The following TAF10 variants were observed in gnomAD, a reference collection of about 807,000 sequenced individuals.
TAF10 encodes transcription initiation factor TFIID subunit 10.
In TAF10, 2 loss-of-function variants were observed where a neutral mutation model predicts 18.1. That is an observed-to-expected ratio of 0.11 (90% confidence interval 0.05 to 0.35). TAF10 has a LOEUF of 0.35. Among genes scored for constraint, TAF10 ranks in the 10% least tolerant of loss-of-function variants. TAF10 has a pLI of 1.00. For synonymous variants in TAF10, 158 were observed against 134.6 expected (o/e 1.17, Z -1.20); for missense variants, 293 against 306.9 (o/e 0.95, Z 0.34).
intron 2 of TAF10, 95 bp downstream of exon 2, chr11:6,611,569 G>T: frequency 1.3e-6 from 2 of 1,588,724 alleles, no homozygotes; most frequent in Non-Finnish European, 1.7e-6. Context: ...ACAGAAGAGC[G>T]ACTAGGGGAG....
At chr11:6,611,628 A>G in intron 2 of TAF10, 36 bp downstream of exon 2, 1 of 1,575,900 alleles carries the variant, frequency 6.3e-7, no homozygotes, top group Non-Finnish European at 8.6e-7. Flanking sequence ...AAGTTTTGAC[A>G]GCAGGCTAGG....
Position 6,608,533 on chromosome 11 carries a change from G to A in TAF10, c.*2389C>T. 1 of 1,535,886 alleles carries A rather than the reference G, an allele frequency of 6.5e-7. No homozygotes were observed. The highest frequency in any genetic ancestry group is 1.7e-4 in the Middle Eastern group (1 of 5,824). On this transcript the variant is annotated 3_prime_UTR_variant, in exon 5 of 5. Coordinates refer to ENST00000299424, the MANE Select transcript of TAF10 (RefSeq NM_006284.4). This position sits in a 1 kb window ranked among gnomAD's most constrained non-coding sequence, Gnocchi z 4.9. ...ATTCCTGAGATGGGTAGGAAGTAAA[G>A]TCTGAGCCTTGGTGGGAGATTTTGG...
In TAF10 at chr11:6,609,614, C is replaced by G; in HGVS notation, c.*1308G>C. ...CACACTGGATGCCGTATGGATCCCT[C>G]TACAATGTACTACATGAAGGCACCA... On this transcript the variant is annotated 3_prime_UTR_variant, in exon 5 of 5. Transcript: ENST00000299424. 2 of 1,614,162 alleles carry G rather than the reference C, an allele frequency of 1.2e-6. No individual in the cohort carries two copies. Among genetic ancestry groups the G allele is most frequent in the African/African-American group, 1.3e-5 (1 of 75,036 alleles).
At position 6,610,122 on chromosome 11, in the gene TAF10, A is replaced by T; in HGVS notation, c.*800T>A. ...CAGAGACAGGACAGGCAAGGGGGCC[A>T]GAACAGACAAGCCCTATCTCTCCAG... On this transcript the variant is annotated 3_prime_UTR_variant, in exon 5 of 5. Coordinates refer to ENST00000299424, the MANE Select transcript of TAF10 (RefSeq NM_006284.4). The T allele has an allele frequency of 6.2e-7, 1 of 1,614,232 alleles. No individual in the cohort carries two copies. Among genetic ancestry groups the T allele is most frequent in the South Asian group, 1.1e-5 (1 of 91,084 alleles).
rs1855438698 is a variant in TAF10, at chr11:6,611,018, G to A, written c.568-7C>T. ...TTAGAGTGTACTTGCGGTCCTGAGG[G>A]AAGAGGGAAGAGCACCAACTGAGCA... On this transcript the variant is annotated splice_polypyrimidine_tract_variant and splice_region_variant and intron_variant, in intron 4 of 4. Coordinates refer to ENST00000299424, the MANE Select transcript of TAF10 (RefSeq NM_006284.4). The A allele has an allele frequency of 1.9e-6, 3 of 1,613,832 alleles. No homozygotes were observed. The highest frequency in any genetic ancestry group is 2.5e-6 in the Non-Finnish European group (3 of 1,179,944).
rs1589933891 is a variant in TAF10 at position 6,607,898 on chromosome 11, A to G, written c.*3024T>C. On this transcript the variant is annotated 3_prime_UTR_variant, in exon 5 of 5. Transcript: ENST00000299424. ...AAGCTCAGGGGAAGGTCTGAAATGG[A>G]CAGCTTTGGGAGTTGCTGGCATGAA... 6.4e-6 allele frequency: 5 copies of G among 775,452 alleles called. No homozygotes were observed. The East Asian group carries it at 1.3e-4, about 21-fold the overall frequency. The allele number at this position is 775,452 out of a possible 1,614,324, so 48.0% of individuals were successfully genotyped here.
rs1855128617 is a variant in TAF10 at position 6,608,202 on chromosome 11, T to A, written c.*2720A>T. On this transcript the variant is annotated 3_prime_UTR_variant, in exon 5 of 5. Transcript: ENST00000299424. This position sits in a 1 kb window ranked among gnomAD's most constrained non-coding sequence, Gnocchi z 4.9. Reference sequence around the variant, plus strand: ...CAGCCAGTCATGGACACCGTGATATTGTACAGAAGGTACGTACAAACTCCT... The same window carrying A: ...CAGCCAGTCATGGACACCGTGATATAGTACAGAAGGTACGTACAAACTCCT... 1 of 1,614,088 alleles carries A rather than the reference T, an allele frequency of 6.2e-7. No homozygotes were observed. Among genetic ancestry groups the A allele is most frequent in the African/African-American group, 1.3e-5 (1 of 74,920 alleles).
At chr11:6,611,523 C>CT in intron 2 of TAF10, 71 bp from the exon 3 acceptor site, 1 of 1,603,142 alleles carries the variant, frequency 6.2e-7, no homozygotes, top group African/African-American at 1.3e-5. Context: ...GCCTGATTAT[C>CT]AGGAAGCTCA....
chr11:6,607,844 T>C lies in TAF10; in HGVS notation c.*3078A>G. 1 of 595,476 alleles carries C rather than the reference T, an allele frequency of 1.7e-6. No homozygotes were observed. Among genetic ancestry groups the C allele is most frequent in the East Asian group, 2.8e-5 (1 of 35,332 alleles). The allele number at this position is 595,476 out of a possible 1,614,324, so 36.9% of individuals were successfully genotyped here. A position where few individuals can be genotyped will look rare whatever the true frequency, so the allele number is the denominator to read the frequency against. ...TAACACATTTTTTTATAGAGGTTGT[T>C]GAGATATCTAGGTGGTTGGTTTGGT... On this transcript the variant is annotated 3_prime_UTR_variant, in exon 5 of 5. Transcript: ENST00000299424.
rs764238082 is a variant in TAF10 at position 6,611,751 on chromosome 11, C to T, written c.300G>A (p.Pro100=). 9 of 1,611,572 alleles carry T rather than the reference C, an allele frequency of 5.6e-6. No individual in the cohort carries two copies. In the Admixed American group the frequency reaches 1.5e-4, roughly 27 times the overall value. Residue 100 remains proline, a synonymous_variant, in exon 2 of 5, where the codon CCG becomes CCA. Transcript: ENST00000299424. ...GCTTCACGTCTCCGTTGGCCGCGCT[C>T]GGCAGTACGTAAACCCCGTTAGATA... The part of the protein sequence containing the change: ...GAISNGVYVL[P]SAANGDVKPV...
Position 6,612,077 on chromosome 11 carries a change from G to A in TAF10, c.113C>T (p.Ala38Val), listed in dbSNP as rs1855481012. 2.9e-6 allele frequency: 4 copies of A among 1,383,450 alleles called. No individual in the cohort carries two copies. The highest frequency in any genetic ancestry group is 3.7e-6 in the Non-Finnish European group (4 of 1,077,048). The allele number at this position is 1,383,450 out of a possible 1,614,324, so 85.7% of individuals were successfully genotyped here. A position where few individuals can be genotyped will look rare whatever the true frequency, so the allele number is the denominator to read the frequency against. ...CGCGGGGCTGGCCTTGTTCTCCGCG[G>A]CGGTGCTGGAGGGCAGCGCGGCGGG... ...SAPAALPSST[A>V]AENKASPAGT... Residue 38 changes from alanine (A) to valine (V), a missense_variant, in exon 1 of 5, where the codon GCC (alanine) becomes GTC (valine). Coordinates refer to ENST00000299424, the MANE Select transcript of TAF10 (RefSeq NM_006284.4).
At chr11:6,611,910 G>C in intron 1 of TAF10, 48 bp downstream of exon 1, 1 of 1,574,054 alleles carries the variant, frequency 6.4e-7, no homozygotes, top group Non-Finnish European at 8.6e-7. Context: ...CCCGCCGCTG[G>C]ACCCAGCCCA....
rs774193495 is a variant in TAF10 at position 6,611,660 on chromosome 11, C to T, written c.387+4G>A. On this transcript the variant is annotated splice_donor_region_variant and intron_variant, in intron 2 of 4. Coordinates refer to ENST00000299424, the MANE Select transcript of TAF10 (RefSeq NM_006284.4). Reference sequence around the variant, plus strand: ...TAGGTGGCCTTGTTCGGGCGGAAGCCCACCGTAGGCGTGTAATCTTCCAGC... The same window carrying T: ...TAGGTGGCCTTGTTCGGGCGGAAGCTCACCGTAGGCGTGTAATCTTCCAGC... 6 of 1,579,740 alleles carry T rather than the reference C, an allele frequency of 3.8e-6. No individual in the cohort carries two copies. The highest frequency in any genetic ancestry group is 5.2e-6 in the Non-Finnish European group (6 of 1,160,932).
Position 6,608,015 on chromosome 11 carries a change from C to T in TAF10, c.*2907G>A. 6.2e-7 allele frequency: 1 copy of T among 1,612,646 alleles called. No individual in the cohort carries two copies. Among genetic ancestry groups the T allele is most frequent in the Non-Finnish European group, 8.5e-7 (1 of 1,179,424 alleles). ...CAAAACCTTTGCCCCATCCCACCTC[C>T]AGCTCAATGACCATTGCCCCTTCCT... On this transcript the variant is annotated 3_prime_UTR_variant, in exon 5 of 5. Transcript: ENST00000299424. The surrounding 1 kb of genome is among the most constrained non-coding windows in gnomAD (Gnocchi z 4.9).
Position 6,606,897 on chromosome 11 carries a change from A to T in TAF10, c.*4025T>A, listed in dbSNP as rs1854967169. ...GTCTAGGAGGCAAGACCAACTGATA[A>T]ACAGGGGGCGTAATGCTTCCTGGGG... On this transcript the variant is annotated 3_prime_UTR_variant, in exon 5 of 5. Transcript: ENST00000299424. 6.6e-6 allele frequency: 1 copy of T among 152,220 alleles called. No individual in the cohort carries two copies. Among genetic ancestry groups the T allele is most frequent in the Non-Finnish European group, 1.5e-5 (1 of 68,048 alleles). The allele number at this position is 152,220 out of a possible 1,614,324, so 9.4% of individuals were successfully genotyped here. A position where few individuals can be genotyped will look rare whatever the true frequency, so the allele number is the denominator to read the frequency against.
chr11:6,611,073 G>A, intron 4 of TAF10, 62 bp from the exon 5 acceptor site: 1 of 1,597,704 alleles, frequency 6.3e-7, no homozygotes, highest in South Asian at 1.1e-5. Context: ...TCCCAGATGG[G>A]TGACCCTGAG....
At position 6,612,092 on chromosome 11, in the gene TAF10, A is replaced by T. The variant is rs1398102402; in HGVS notation, c.98T>A (p.Leu33Gln). ...GTTCTCCGCGGCGGTGCTGGAGGGC[A>T]GCGCGGCGGGAGCCGAGACCGGGGG... Reference protein sequence around the residue: ...PAPPVSAPAALPSSTAAENKA... With the variant: ...PAPPVSAPAAQPSSTAAENKA... Residue 33 changes from leucine (L) to glutamine (Q), a missense_variant, in exon 1 of 5, where the codon CTG (leucine) becomes CAG (glutamine). Physicochemically the swap from Leu to Gln is moderately radical, Grantham distance 113 (BLOSUM62 -2). Transcript: ENST00000299424. The T allele has an allele frequency of 8.1e-7, 1 of 1,233,756 alleles. No homozygotes were observed. 76.4% of individuals were successfully genotyped at this position (1,233,756 alleles called of 1,614,324 possible).
chr11:6,609,483 G>A lies in TAF10; in HGVS notation c.*1439C>T. 1 of 1,614,048 alleles carries A rather than the reference G, an allele frequency of 6.2e-7. No individual in the cohort carries two copies. Among genetic ancestry groups the A allele is most frequent in the Non-Finnish European group, 8.5e-7 (1 of 1,180,016 alleles). ...AGCACTGAAAGAGATCTTTTGTACTGGGTCTCAACCACTCCCTCCCTCTTC... is the reference window on the plus strand; with the variant it reads ...AGCACTGAAAGAGATCTTTTGTACTAGGTCTCAACCACTCCCTCCCTCTTC... On this transcript the variant is annotated 3_prime_UTR_variant, in exon 5 of 5. Coordinates refer to ENST00000299424, the MANE Select transcript of TAF10 (RefSeq NM_006284.4).
rs368539510 is a variant in TAF10, at chr11:6,608,844, C to A, written c.*2078G>T. ...CCTCTCGTCCCTTCCCACCTGTCTTCTCCCTCTGTACCACAGCTTAGGTTG... is the reference window on the plus strand; with the variant it reads ...CCTCTCGTCCCTTCCCACCTGTCTTATCCCTCTGTACCACAGCTTAGGTTG... On this transcript the variant is annotated 3_prime_UTR_variant, in exon 5 of 5. Coordinates refer to ENST00000299424, the MANE Select transcript of TAF10 (RefSeq NM_006284.4). The surrounding 1 kb of genome is among the most constrained non-coding windows in gnomAD (Gnocchi z 4.9). The A allele has an allele frequency of 1.9e-6, 3 of 1,613,030 alleles. No homozygotes were observed. Among genetic ancestry groups the A allele is most frequent in the Non-Finnish European group, 2.5e-6 (3 of 1,179,074 alleles).
Sources: gnomAD v4.1 joint callset for allele counts on GRCh38, gnomAD v4.1.1 for gene constraint, Gnocchi (gnomAD v3.1) non-coding constraint, MANE v1.5 for transcripts, NCBI Gene and HGNC (gene_info 2026-07-23, HGNC 2026-07-21) for gene names.